The following DUSP16 variants were observed in gnomAD, a reference collection of about 807,000 sequenced individuals.
DUSP16 encodes the protein dual specificity protein phosphatase 16.
DUSP16 carries 21 observed loss-of-function variants against 58.3 expected under a neutral mutation model. The ratio of observed to expected loss-of-function variants is 0.36; its 90% confidence interval spans 0.26 to 0.52. The LOEUF (loss-of-function observed/expected upper bound fraction) is 0.52. Ranked by LOEUF, DUSP16 falls within the 20% of genes least tolerant of loss-of-function variation. DUSP16 has a pLI of 0.94. For synonymous variants in DUSP16, 320 were observed against 323.8 expected, an observed-to-expected ratio of 0.99 and a Z score of 0.12; for missense variants, 726 against 819.0, an observed-to-expected ratio of 0.89 and a Z score of 1.39.
chr12:12,493,588 T>C (rs935071405), intron 4 of DUSP16, among the ~76,000 whole-genome samples: 2 of 152,176 alleles, frequency 1.3e-5, no homozygotes, highest in Non-Finnish European at 2.9e-5. Context: ...TCTGCTCCTG[T>C]TACCTCTCTG....
intron 3 of DUSP16, among the ~76,000 whole-genome samples, chr12:12,513,888 T>C (rs967282861): frequency 6.6e-6 from 1 of 152,140 alleles, no homozygotes; most frequent in Non-Finnish European, 1.5e-5. Flanking sequence ...CTCTTAGAAA[T>C]AGACAAGTAG....
chr12:12,477,566 G>A lies in DUSP16; in HGVS notation c.1265C>T (p.Ser422Leu). Reference sequence around the variant, plus strand: ...GTAGTATTCCAAAGCATCTTCTGATGAGGAGAAGCCATGTAAGGATGCTGC... The same window carrying A: ...GTAGTATTCCAAAGCATCTTCTGATAAGGAGAAGCCATGTAAGGATGCTGC... ...SMAASLHGFS[S>L]SEDALEYYKP... Residue 422 changes from serine (S) to leucine (L), a missense_variant, in exon 7 of 7, where the codon TCA (serine) becomes TTA (leucine). Physicochemically the swap from Ser to Leu is moderately radical, Grantham distance 145. Transcript: ENST00000298573. This position sits in a 1 kb window ranked among gnomAD's most constrained non-coding sequence, Gnocchi z 4.1. The A allele has an allele frequency of 6.2e-7, 1 of 1,613,486 alleles. No homozygotes were observed. The highest frequency in any genetic ancestry group is 1.3e-5 in the African/African-American group (1 of 75,052).
chr12:12,529,125 T>C (rs1222108083), intron 1 of DUSP16, among the ~76,000 whole-genome samples: 1 of 152,222 alleles, frequency 6.6e-6, no homozygotes, highest in Admixed American at 6.5e-5. Flanking sequence ...TTTTGTTGTT[T>C]TTTGAGACAG....
chr12:12,515,656 G>GT (rs1944138131), intron 3 of DUSP16, among the ~76,000 whole-genome samples: 1 of 151,766 alleles, frequency 6.6e-6, no homozygotes, highest in Non-Finnish European at 1.5e-5. Flanking sequence ...TAAATTTCAA[G>GT]GGGGGTTGTG....
intron 5 of DUSP16, 100 bp downstream of exon 5, chr12:12,486,928 T>A: frequency 7.2e-7 from 1 of 1,394,536 alleles, no homozygotes. Context: ...ATCTCTGAAA[T>A]AGGCTCCTTT....
intron 4 of DUSP16, among the ~76,000 whole-genome samples, chr12:12,498,719 A>G (rs537824298): frequency 6.6e-6 from 1 of 152,326 alleles, no homozygotes; most frequent in Non-Finnish European, 1.5e-5. Context: ...ATATAAATTT[A>G]TATTCACTGC....
At chr12:12,524,527 A>T (rs1008896435) in intron 1 of DUSP16, among the ~76,000 whole-genome samples, 2 of 152,242 alleles carry the variant, frequency 1.3e-5, no homozygotes, top group African/African-American at 4.8e-5. Flanking sequence ...AATTTTAAAA[A>T]TTTCTCTGTA....
intron 1 of DUSP16, among the ~76,000 whole-genome samples, chr12:12,546,162 T>TG (rs1025821884): frequency 2.6e-5 from 4 of 152,284 alleles, no homozygotes; most frequent in East Asian, 1.9e-4. Flanking sequence ...TGCTATCATT[T>TG]GGGGGGGAAA....
chr12:12,474,083 A>C lies in DUSP16; in HGVS notation c.*2750T>G, dbSNP rs928232428. The C allele has an allele frequency of 6.6e-6, 1 of 152,242 alleles. No individual in the cohort carries two copies. The highest frequency in any genetic ancestry group is 2.4e-5 in the African/African-American group (1 of 41,456). 9.4% of individuals were successfully genotyped at this position (152,242 alleles called of 1,614,324 possible). On this transcript the variant is annotated 3_prime_UTR_variant, in exon 7 of 7. Transcript: ENST00000298573. ...AATGACAGAACACGGAATAAACCTG[A>C]TGACACCACCACTTTATTTTGAGCT...
intron 3 of DUSP16, among the ~76,000 whole-genome samples, chr12:12,501,240 G>A (rs761558535): frequency 7.8e-4 from 118 of 152,126 alleles, no homozygotes; most frequent in Non-Finnish European, 1.4e-3. Context: ...GGATTCCCTG[G>A]GCAGTTAGTC....
At chr12:12,525,274 C>CTT (rs1292993921) in intron 1 of DUSP16, among the ~76,000 whole-genome samples, 4 of 145,050 alleles carry the variant, frequency 2.8e-5, no homozygotes, top group East Asian at 2.0e-4. Flanking sequence ...TGTAGAAATT[C>CTT]TTTTTTTTTT....
chr12:12,487,838 A>G (rs1266356065), intron 4 of DUSP16, among the ~76,000 whole-genome samples: 1 of 152,172 alleles, frequency 6.6e-6, no homozygotes, highest in Non-Finnish European at 1.5e-5. Flanking sequence ...GGTTTAGGGT[A>G]ATAACATCGA....
rs779944909 is a variant in DUSP16 at position 12,519,959 on chromosome 12, T to C, written c.270A>G (p.Gln90=). Residue 90 remains glutamine, a synonymous_variant, in exon 3 of 7, where the codon CAA becomes CAG. Coordinates refer to ENST00000298573, the MANE Select transcript of DUSP16 (RefSeq NM_030640.3). ...AGAGAGAGGCAACATCTTGGGAGCTTTGATCGTAAACTACAACCTTCTGAC... is the reference window on the plus strand; with the variant it reads ...AGAGAGAGGCAACATCTTGGGAGCTCTGATCGTAAACTACAACCTTCTGAC... ...DCSQKVVVYD[Q]SSQDVASLSS... is the part of the protein sequence containing the mutation. 11 of 1,614,130 alleles carry C rather than the reference T, an allele frequency of 6.8e-6. No homozygotes were observed. The highest frequency in any genetic ancestry group is 1.3e-5 in the African/African-American group (1 of 75,042).
Position 12,525,728 on chromosome 12 carries a change from G to GTA in DUSP16, c.-365-4267_-365-4266dup, listed in dbSNP as rs917955291. The stretch of plus-strand genomic sequence containing the variant: ...TCTCTACAAAAAATTAAAAATATAT[G>GTA]TATACACACACACACACACACACAC... On this transcript the variant is annotated intron_variant, in intron 1 of 6. Coordinates refer to ENST00000298573, the MANE Select transcript of DUSP16 (RefSeq NM_030640.3). Among the ~76,000 whole-genome samples the GTA allele has an allele frequency of 7.7e-5, 8 of 104,298 alleles. No individual in the cohort carries two copies. The East Asian group carries it at 1.5e-3, about 20-fold the overall frequency. The allele number at this position is 104,298 out of a possible 152,430, so 68.4% of individuals were successfully genotyped here.
rs1944237449 is a variant in DUSP16 at position 12,521,477 on chromosome 12, G to C, written c.-365-14C>G. On this transcript the variant is annotated splice_polypyrimidine_tract_variant and intron_variant, in intron 1 of 6. Coordinates refer to ENST00000298573, the MANE Select transcript of DUSP16 (RefSeq NM_030640.3). The stretch of plus-strand genomic sequence containing the variant: ...TGGACTGAAAGCCTACGCGGAGAGA[G>C]AAAGACAGAAAACAAAACGTGAGGT... 1 of 1,040,464 alleles carries C rather than the reference G, an allele frequency of 9.6e-7. No individual in the cohort carries two copies. Among genetic ancestry groups the C allele is most frequent in the East Asian group, 8.0e-5 (1 of 12,478 alleles). The allele number at this position is 1,040,464 out of a possible 1,614,324, so 64.5% of individuals were successfully genotyped here. A position where few individuals can be genotyped will look rare whatever the true frequency, so the allele number is the denominator to read the frequency against.
rs141755497 is a variant in DUSP16, at chr12:12,500,661, C to T, written c.389G>A (p.Arg130His). 61 of 1,591,714 alleles carry T rather than the reference C, an allele frequency of 3.8e-5. 1 individual carries two copies. In the East Asian group the frequency reaches 8.2e-4, roughly 21 times the overall value. Residue 130 changes from arginine to histidine, a missense_variant, in exon 4 of 7, where the codon CGT becomes CAT. Arg to His is a conservative substitution (Grantham distance 29). Coordinates refer to ENST00000298573, the MANE Select transcript of DUSP16 (RefSeq NM_030640.3). ...TCCTTCACAGAGGCCAGGGAAACAA[C>T]GAGAGAACTCAGCAAACCCACCTAA... The part of the protein sequence containing the change: ...LLAGGFAEFS[R>H]CFPGLCEGKS...
At chr12:12,499,070 T>C (rs1344513993) in intron 4 of DUSP16, among the ~76,000 whole-genome samples, 1 of 152,232 alleles carries the variant, frequency 6.6e-6, no homozygotes, top group African/African-American at 2.4e-5. Flanking sequence ...GAAAAAGGTA[T>C]ACAGCAAAAT....
intron 1 of DUSP16, among the ~76,000 whole-genome samples, chr12:12,524,463 T>C (rs1944275292): frequency 6.6e-6 from 1 of 152,228 alleles, no homozygotes; most frequent in Non-Finnish European, 1.5e-5. Context: ...CCTTAATCTC[T>C]TTCATTTACA....
At chr12:12,480,444 C>G in intron 5 of DUSP16, 98 bp from the exon 6 acceptor site, 1 of 1,423,770 alleles carries the variant, frequency 7.0e-7, no homozygotes, top group Non-Finnish European at 9.6e-7. Flanking sequence ...CACCTGAAAA[C>G]CTCTACGCAA....
Sources: allele counts gnomAD v4.1 joint callset (sites outside exome capture counted in the v4.1 genomes callset), GRCh38; gene constraint gnomAD v4.1.1; non-coding constraint Gnocchi (gnomAD v3.1); transcripts MANE v1.5; gene names NCBI Gene and HGNC (gene_info 2026-07-23, HGNC 2026-07-21).